The following ADCY7 variants were observed in gnomAD, a reference collection of about 807,000 sequenced individuals.
ADCY7 encodes the protein adenylate cyclase type 7.
In ADCY7, 72 loss-of-function variants were observed where a neutral mutation model predicts 120.6. The ratio of observed to expected loss-of-function variants is 0.60; its 90% confidence interval spans 0.49 to 0.73. The LOEUF (loss-of-function observed/expected upper bound fraction) is 0.73. ADCY7 is among the 30% of genes least tolerant of loss of function. ADCY7 has a pLI of 0.00. For missense variants in ADCY7, 1,227 were observed against 1,486.0 expected, an observed-to-expected ratio of 0.83 and a Z score of 2.87; for synonymous variants, 661 against 628.0, an observed-to-expected ratio of 1.05 and a Z score of -0.78.
At chr16:50,252,992 C>T (rs2032804021) in intron 1 of ADCY7, among the ~76,000 whole-genome samples, 1 of 151,984 alleles carries the variant, frequency 6.6e-6, no homozygotes, top group South Asian at 2.1e-4. Context: ...CTTTATTGTC[C>T]TCTAAGGGGA....
intron 1 of ADCY7, among the ~76,000 whole-genome samples, chr16:50,253,319 C>T (rs992267927): frequency 3.3e-5 from 5 of 152,150 alleles, no homozygotes; most frequent in African/African-American, 4.8e-5. Flanking sequence ...GGCGCAATCT[C>T]GTCTCACTGC....
At position 50,288,289 on chromosome 16, in the gene ADCY7, C is replaced by A; in HGVS notation, c.110C>A (p.Thr37Lys). Residue 37 changes from threonine to lysine, a missense_variant, in exon 2 of 26, where the codon ACG becomes AAG. Thr to Lys is a moderately conservative substitution (Grantham distance 78). This residue lies in a region of ADCY7 where 382 missense variants were observed against 411.4 expected (regional missense o/e 0.93). Coordinates refer to ENST00000673801, the MANE Select transcript of ADCY7 (RefSeq NM_001114.5). Reference sequence around the variant, plus strand: ...AGCCAGCATGGGCCGCTGCTGCTCACGCTCCTGCTGGTGGCCGCCACTGCC... The same window carrying A: ...AGCCAGCATGGGCCGCTGCTGCTCAAGCTCCTGCTGGTGGCCGCCACTGCC... ...LTSQHGPLLL[T>K]LLLVAATACV... 2.6e-6 allele frequency: 4 copies of A among 1,550,964 alleles called. No individual in the cohort carries two copies. Among genetic ancestry groups the A allele is most frequent in the Non-Finnish European group, 3.5e-6 (4 of 1,146,872 alleles).
Position 50,311,888 on chromosome 16 carries a change from A to T in ADCY7, c.2448+102A>T, listed in dbSNP as rs374707972. On this transcript the variant is annotated intron_variant, in intron 20 of 25. Coordinates refer to ENST00000673801, the MANE Select transcript of ADCY7 (RefSeq NM_001114.5). Reference sequence around the variant, plus strand: ...GGGGTGGGCTCAGGTGGAGTAGCAGAAAAGACTAGAGTCCTGCCAGGAAAG... The same window carrying T: ...GGGGTGGGCTCAGGTGGAGTAGCAGTAAAGACTAGAGTCCTGCCAGGAAAG... 2.5e-5 allele frequency: 36 copies of T among 1,459,378 alleles called. No homozygotes were observed. The African/African-American group carries it at 4.5e-4, about 18-fold the overall frequency. The allele number at this position is 1,459,378 out of a possible 1,614,324, so 90.4% of individuals were successfully genotyped here. A position where few individuals can be genotyped will look rare whatever the true frequency, so the allele number is the denominator to read the frequency against.
chr16:50,307,567 G>A (rs554176511), intron 15 of ADCY7, among the ~76,000 whole-genome samples: 1 of 152,250 alleles, frequency 6.6e-6, no homozygotes, highest in Admixed American at 6.5e-5. Flanking sequence ...TGGCTCTAGG[G>A]CCCTGCTGGT....
chr16:50,291,817 G>T lies in ADCY7; in HGVS notation c.457G>T (p.Val153Phe). Residue 153 changes from valine (V) to phenylalanine (F), a missense_variant, in exon 4 of 26, where the codon GTC (valine) becomes TTC (phenylalanine). By Grantham distance (50) the Val-to-Phe change is conservative. This residue lies in a region of ADCY7 where 382 missense variants were observed against 411.4 expected (regional missense o/e 0.93). Transcript: ENST00000673801. Reference sequence around the variant, plus strand: ...GCGGGGCGCTGTCGCCGTTGGGGCCGTCTCCACTGCCTCCCACCTCCTGGT... The same window carrying T: ...GCGGGGCGCTGTCGCCGTTGGGGCCTTCTCCACTGCCTCCCACCTCCTGGT... ...SMRGAVAVGA[V>F]STASHLLVLG... 1 of 1,614,080 alleles carries T rather than the reference G, an allele frequency of 6.2e-7. No homozygotes were observed. Among genetic ancestry groups the T allele is most frequent in the Non-Finnish European group, 8.5e-7 (1 of 1,179,952 alleles).
chr16:50,312,662 T>C (rs1042235104), intron 21 of ADCY7, among the ~76,000 whole-genome samples: 3 of 152,282 alleles, frequency 2.0e-5, no homozygotes, highest in African/African-American at 7.2e-5. Flanking sequence ...GAAACACCCA[T>C]GGTGCTTCTG....
At chr16:50,273,560 T>C (rs1488086862) in intron 1 of ADCY7, among the ~76,000 whole-genome samples, 1 of 152,212 alleles carries the variant, frequency 6.6e-6, no homozygotes, top group Non-Finnish European at 1.5e-5. Context: ...GTGGCCTCTT[T>C]CCTGGTGGCA....
At chr16:50,245,437 C>T (rs2032549557), upstream of ADCY7, among the ~76,000 whole-genome samples, 1 of 152,190 alleles carries the variant, frequency 6.6e-6, no homozygotes, top group Admixed American at 6.5e-5. Flanking sequence ...ACGACCTCCT[C>T]TGCCCCTCCC....
At chr16:50,299,446 G>A (rs1224719108) in intron 8 of ADCY7, among the ~76,000 whole-genome samples, 1 of 152,250 alleles carries the variant, frequency 6.6e-6, no homozygotes, top group Non-Finnish European at 1.5e-5. Flanking sequence ...GCTTGGTCCT[G>A]AGGCTGCGGG....
At chr16:50,281,338 C>G (rs1175736173) in intron 1 of ADCY7, among the ~76,000 whole-genome samples, 1 of 152,220 alleles carries the variant, frequency 6.6e-6, no homozygotes, top group African/African-American at 2.4e-5. Flanking sequence ...GTGCAGGCAT[C>G]CTCCCAGAGG....
chr16:50,289,866 GCTGCCAGTGCAGC>G (rs2034827342), intron 2 of ADCY7, among the ~76,000 whole-genome samples: 1 of 152,246 alleles, frequency 6.6e-6, no homozygotes, highest in African/African-American at 2.4e-5. Flanking sequence ...GGACCTAGCA[GCTGCCAGTGCAGC>G]CTGGATCCAT....
intron 23 of ADCY7, 67 bp from the exon 24 acceptor site, chr16:50,314,225 G>C (rs148381580): frequency 2.0e-6 from 3 of 1,496,104 alleles, no homozygotes; most frequent in Non-Finnish European, 2.8e-6. Flanking sequence ...CAAGAGTGGC[G>C]CGCCAGGGCC....
chr16:50,271,821 G>A (rs527525272), intron 1 of ADCY7, among the ~76,000 whole-genome samples: 1 of 152,280 alleles, frequency 6.6e-6, no homozygotes, highest in East Asian at 1.9e-4. Flanking sequence ...GAGAAGAGGG[G>A]ACCCAGCCGG....
intron 1 of ADCY7, among the ~76,000 whole-genome samples, chr16:50,250,194 G>A (rs977674551): frequency 6.6e-6 from 1 of 152,164 alleles, no homozygotes; most frequent in Non-Finnish European, 1.5e-5. Context: ...GGTGGCTCAC[G>A]CCTGTAATTC....
chr16:50,305,526 C>T lies in ADCY7; in HGVS notation c.1619C>T (p.Ser540Leu), dbSNP rs142217351. Reference sequence around the variant, plus strand: ...AGAAGCATGTCCCCCAAGGGGCGGTCGGAGGATGACTCGTACGATGACGAG... The same window carrying T: ...AGAAGCATGTCCCCCAAGGGGCGGTTGGAGGATGACTCGTACGATGACGAG... ...PDRSMSPKGRSEDDSYDDEML... is the reference protein window; with the variant it reads ...PDRSMSPKGRLEDDSYDDEML... The change falls in exon 13 of 26, where the codon TCG (serine) becomes TTG (leucine). Residue 540 changes from serine (S) to leucine (L), a missense_variant. By Grantham distance (145) the Ser-to-Leu change is moderately radical. Around this residue, in one of 5 missense-constraint regions of ADCY7, gnomAD observed 332 missense variants for 455.8 expected, o/e 0.73. Coordinates refer to ENST00000673801, the MANE Select transcript of ADCY7 (RefSeq NM_001114.5). The T allele has an allele frequency of 1.1e-5, 17 of 1,611,378 alleles. No individual in the cohort carries two copies. The highest frequency in any genetic ancestry group is 1.6e-4 in the Middle Eastern group (1 of 6,066).
Position 50,314,975 on chromosome 16 carries a change from T to C in ADCY7, c.2972-39T>C, listed in dbSNP as rs116702289. Reference sequence around the variant, plus strand: ...CCTCTAAGGGCAGAAGCTTGAGGCTTTGCCTGCACGCTTGGGTAACTGTAA... The same window carrying C: ...CCTCTAAGGGCAGAAGCTTGAGGCTCTGCCTGCACGCTTGGGTAACTGTAA... On this transcript the variant is annotated intron_variant, in intron 24 of 25. Coordinates refer to ENST00000673801, the MANE Select transcript of ADCY7 (RefSeq NM_001114.5). The C allele has an allele frequency of 2.0e-4, 326 of 1,612,024 alleles. 2 individuals are homozygous for C. The African/African-American group carries it at 3.9e-3, about 19-fold the overall frequency.
At chr16:50,292,184 C>T (rs2150969394) in intron 4 of ADCY7, among the ~76,000 whole-genome samples, 1 of 152,296 alleles carries the variant, frequency 6.6e-6, no homozygotes, top group East Asian at 1.9e-4. Flanking sequence ...TGGGGTGAGT[C>T]CCATTGCCGA....
chr16:50,311,706 T>C lies in ADCY7; in HGVS notation c.2368T>C (p.Cys790Arg). ...PNGTTSGTPS[C>R]SWKDLKTMTN... Reference sequence around the variant, plus strand: ...CTTCGCATTCAGTGGCACCCCTAGCTGTTCCTGGAAGGACCTGAAGACCAT... The same window carrying C: ...CTTCGCATTCAGTGGCACCCCTAGCCGTTCCTGGAAGGACCTGAAGACCAT... Residue 790 changes from cysteine (C) to arginine (R), a missense_variant, in exon 20 of 26, where the codon TGT becomes CGT. Around this residue, in one of 5 missense-constraint regions of ADCY7, gnomAD observed 267 missense variants for 270.0 expected, o/e 0.99. Transcript: ENST00000673801. The C allele has an allele frequency of 6.2e-7, 1 of 1,613,196 alleles. No homozygotes were observed. Among genetic ancestry groups the C allele is most frequent in the Non-Finnish European group, 8.5e-7 (1 of 1,179,554 alleles).
intron 10 of ADCY7, chr16:50,301,560 C>T (rs2035723901): frequency 4.2e-6 from 1 of 237,540 alleles, no homozygotes; most frequent in Non-Finnish European, 8.3e-6. Context: ...TCCCAGATTT[C>T]CGAGAGACAC....
Sources: gnomAD v4.1 joint callset for allele counts (sites outside exome capture counted in the v4.1 genomes callset) on GRCh38, gnomAD v4.1.1 for gene constraint, gnomAD v4.1.1 regional missense constraint, MANE v1.5 for transcripts, NCBI Gene and HGNC (gene_info 2026-07-23, HGNC 2026-07-21) for gene names.